The following DKK3 variants were observed in gnomAD, a reference collection of about 807,000 sequenced individuals.
DKK3 encodes dickkopf-related protein 3.
DKK3 carries 22 observed loss-of-function variants against 33.2 expected under a neutral mutation model. The observed-to-expected ratio is 0.66, with a 90% CI of 0.47 to 0.95. The LOEUF (loss-of-function observed/expected upper bound fraction) is 0.95, where lower values mean the gene tolerates loss of function less well. Ranked by LOEUF, DKK3 falls within the 40% of genes least tolerant of loss-of-function variation. The probability of loss-of-function intolerance (pLI) is 0.00; values close to 1 mark genes in which losing one functional copy is unlikely to be tolerated. For synonymous variants in DKK3, 194 were observed against 188.8 expected (o/e 1.03, Z -0.23); for missense variants, 398 against 458.4 (o/e 0.87, Z 1.20).
At chr11:12,009,642 G>A, upstream of DKK3, 2 of 985,642 alleles carry the variant, frequency 2.0e-6, no homozygotes, top group Non-Finnish European at 2.4e-6. Context: ...TCCCACCTTG[G>A]TCTTTCCAAG....
At chr11:12,002,172 C>T (rs544192769) in intron 2 of DKK3, 128 bp downstream of exon 2, 11 of 1,047,192 alleles carry the variant, frequency 1.1e-5, no homozygotes, top group Admixed American at 9.1e-5. Flanking sequence ...GTTTTCAATC[C>T]GTATTTTATG....
intron 3 of DKK3, among the ~76,000 whole-genome samples, chr11:11,993,087 AC>A (rs1848219352): frequency 6.6e-6 from 1 of 152,174 alleles, no homozygotes. Flanking sequence ...AGATATGCAT[AC>A]CCTTTGACTT....
chr11:11,966,216 G>T (rs1847590758), intron 5 of DKK3, among the ~76,000 whole-genome samples: 1 of 152,206 alleles, frequency 6.6e-6, no homozygotes, highest in South Asian at 2.1e-4. Context: ...GGGCCAGAAA[G>T]TCTGGAGAAA....
At chr11:11,967,141 C>CT (rs1165706396) in intron 4 of DKK3, 43 bp from the exon 5 acceptor site, 1 of 1,599,170 alleles carries the variant, frequency 6.3e-7, no homozygotes, top group East Asian at 2.2e-5. Flanking sequence ...GGCTTAGGGA[C>CT]TGGGGGCCTG....
chr11:12,007,542 T>A (rs1743920283), intron 1 of DKK3, among the ~76,000 whole-genome samples: 3 of 152,270 alleles, frequency 2.0e-5, no homozygotes, highest in South Asian at 2.1e-4. Context: ...ACCCACAGTG[T>A]TTAGACCTGG....
rs187189895 is a variant in DKK3 at position 11,979,224 on chromosome 11, G to C, written c.436-10737C>G. Among the ~76,000 whole-genome samples, 598 of 152,346 alleles carry C rather than the reference G, an allele frequency of 3.9e-3. 6 individuals are homozygous for C. The highest frequency in any genetic ancestry group is 0.014 in the African/African-American group (574 of 41,578). Reference sequence around the variant, plus strand: ...TCCTACCCTTGTGTCAGGAAATGGAGGCTGGGTGGGGAAGCCTTGGCAGGA... The same window carrying C: ...TCCTACCCTTGTGTCAGGAAATGGACGCTGGGTGGGGAAGCCTTGGCAGGA... On this transcript the variant is annotated intron_variant, in intron 3 of 6. Coordinates refer to ENST00000683431, the MANE Select transcript of DKK3 (RefSeq NM_001018057.2).
Position 12,000,788 on chromosome 11 carries a change from G to T in DKK3, c.351+1512C>A, listed in dbSNP as rs563835035. Among the ~76,000 whole-genome samples, 7 of 152,200 alleles carry T rather than the reference G, an allele frequency of 4.6e-5. No homozygotes were observed. In the South Asian group the frequency reaches 1.5e-3, roughly 32 times the overall value. ...CCCACCTTAGCCTCCCAAAGTGCTGGGATTACAGGCCTGAGCCATCACGCC... is the reference window on the plus strand; with the variant it reads ...CCCACCTTAGCCTCCCAAAGTGCTGTGATTACAGGCCTGAGCCATCACGCC... On this transcript the variant is annotated intron_variant, in intron 2 of 6. Coordinates refer to ENST00000683431, the MANE Select transcript of DKK3 (RefSeq NM_001018057.2).
chr11:11,995,214 G>C (rs1280247695), intron 3 of DKK3, among the ~76,000 whole-genome samples: 3 of 152,168 alleles, frequency 2.0e-5, no homozygotes, highest in Non-Finnish European at 4.4e-5. Context: ...TGAGTGGCTG[G>C]AACCACAGGC....
chr11:11,982,359 C>T (rs1847972952), intron 3 of DKK3, among the ~76,000 whole-genome samples: 1 of 152,128 alleles, frequency 6.6e-6, no homozygotes, highest in African/African-American at 2.4e-5. Flanking sequence ...TTGGCAGAAA[C>T]ATGTCCCACC....
chr11:11,978,683 C>G (rs1847891818), intron 3 of DKK3, among the ~76,000 whole-genome samples: 1 of 152,024 alleles, frequency 6.6e-6, no homozygotes, highest in African/African-American at 2.4e-5. Context: ...TCAGGTGCAG[C>G]TTCTGTACTT....
At chr11:12,001,000 T>C (rs1371589323) in intron 2 of DKK3, among the ~76,000 whole-genome samples, 1 of 152,242 alleles carries the variant, frequency 6.6e-6, no homozygotes, top group Non-Finnish European at 1.5e-5. Context: ...GATGTTGATA[T>C]CCTTATTTCA....
intron 1 of DKK3, among the ~76,000 whole-genome samples, chr11:12,004,793 T>C (rs1295488197): frequency 3.3e-5 from 5 of 152,214 alleles, no homozygotes; most frequent in African/African-American, 9.6e-5. Flanking sequence ...GCTGTTTTTA[T>C]CCCGTTGCCC....
At chr11:11,975,716 CA>C (rs1337042309) in intron 3 of DKK3, among the ~76,000 whole-genome samples, 2 of 152,156 alleles carry the variant, frequency 1.3e-5, no homozygotes, top group African/African-American at 2.4e-5. Context: ...GCAGTGCCAA[CA>C]CTGGGAGAGT....
In DKK3 at chr11:11,980,948, C is replaced by T. The variant is rs576078928; in HGVS notation, c.436-12461G>A. Reference sequence around the variant, plus strand: ...GGAAATGCCTCAGTCCCTAAAGCCCCCAAGACCTGCACTGAAATCACTGGC... The same window carrying T: ...GGAAATGCCTCAGTCCCTAAAGCCCTCAAGACCTGCACTGAAATCACTGGC... On this transcript the variant is annotated intron_variant, in intron 3 of 6. Coordinates refer to ENST00000683431, the MANE Select transcript of DKK3 (RefSeq NM_001018057.2). Among the ~76,000 whole-genome samples, 4 of 152,270 alleles carry T rather than the reference C, an allele frequency of 2.6e-5. No homozygotes were observed. In the South Asian group the frequency reaches 8.3e-4, roughly 32 times the overall value.
chr11:11,972,609 G>A (rs1416617461), intron 3 of DKK3, among the ~76,000 whole-genome samples: 1 of 152,214 alleles, frequency 6.6e-6, no homozygotes. Context: ...TGTTAGACCT[G>A]AGGAAGAGGT....
intron 3 of DKK3, among the ~76,000 whole-genome samples, chr11:11,987,764 T>C (rs1049800270): frequency 4.6e-5 from 7 of 152,246 alleles, no homozygotes; most frequent in African/African-American, 1.4e-4. Flanking sequence ...TTTACACAAA[T>C]AGCTTTTTCA....
In DKK3 at chr11:12,008,561, G is replaced by A. The variant is rs1254604181; in HGVS notation, c.22C>T (p.Leu8=). ...GCCGCCGCCAGCAGCAGGCACAGCAGGGTGGCCCCAAGCCGCTGCATCTCC... is the reference window on the plus strand; with the variant it reads ...GCCGCCGCCAGCAGCAGGCACAGCAAGGTGGCCCCAAGCCGCTGCATCTCC... MQRLGAT[L]LCLLLAAAVP... The change falls in exon 1 of 7, where the codon CTG becomes TTG. Residue 8 remains leucine, a synonymous_variant. Transcript: ENST00000683431. The surrounding 1 kb of genome is among the most constrained non-coding windows in gnomAD (Gnocchi z 4.6). 3 of 1,516,172 alleles carry A rather than the reference G, an allele frequency of 2.0e-6. No homozygotes were observed. Among genetic ancestry groups the A allele is most frequent in the African/African-American group, 2.8e-5 (2 of 71,242 alleles). 93.9% of individuals were successfully genotyped at this position (1,516,172 alleles called of 1,614,324 possible).
chr11:11,964,442 C>G lies in DKK3; in HGVS notation c.*22G>C. On this transcript the variant is annotated 3_prime_UTR_variant, in exon 7 of 7. Coordinates refer to ENST00000683431, the MANE Select transcript of DKK3 (RefSeq NM_001018057.2). ...TAAATTAGCTATTTCTATTGCACAT[C>G]TACCCACAGCCTGGTCCAGATCTAA... 2.5e-6 allele frequency: 4 copies of G among 1,604,534 alleles called. No individual in the cohort carries two copies. In the Middle Eastern group the frequency reaches 6.6e-4, roughly 265 times the overall value.
chr11:11,998,462 A>C (rs1848346546), intron 3 of DKK3: 1 of 600,338 alleles, frequency 1.7e-6, no homozygotes, highest in Admixed American at 3.0e-5. Context: ...CATGCAAATG[A>C]CCACTCAATT....
Sources: allele counts gnomAD v4.1 joint callset (sites outside exome capture counted in the v4.1 genomes callset), GRCh38; gene constraint gnomAD v4.1.1; non-coding constraint Gnocchi (gnomAD v3.1); transcripts MANE v1.5; gene names NCBI Gene and HGNC (gene_info 2026-07-23, HGNC 2026-07-21).